The following H2BC5 variants were observed in gnomAD, a reference collection of about 807,000 sequenced individuals.
H2BC5 encodes H2B clustered histone 5.
H2BC5 carries 9 observed loss-of-function variants against 5.7 expected under a neutral mutation model. The ratio of observed to expected loss-of-function variants is 1.57; its 90% CI spans 0.95 to 2.74. H2BC5 has a LOEUF of 2.74. H2BC5 is among the 30% of genes most tolerant of loss of function. The pLI is 0.00. For synonymous variants in H2BC5, 133 were observed against 70.9 expected (o/e 1.88, Z -4.40); for missense variants, 175 against 168.8 (o/e 1.04, Z -0.20).
intron 1 of H2BC5, among the ~76,000 whole-genome samples, chr6:26,167,434 T>TC (rs1406114468): frequency 1.3e-5 from 2 of 152,048 alleles, no homozygotes; most frequent in Non-Finnish European, 2.9e-5. Flanking sequence ...CCATCAGCCC[T>TC]CCCCCAGCCT....
At chr6:26,168,473 T>A (rs531266024) in intron 1 of H2BC5, among the ~76,000 whole-genome samples, 18 of 151,304 alleles carry the variant, frequency 1.2e-4, no homozygotes, top group East Asian at 3.9e-4. Flanking sequence ...AAAAAAAAAA[T>A]AAATAAATTA....
At chr6:26,164,280 T>C in intron 1 of H2BC5, 1 of 267,352 alleles carries the variant, frequency 3.7e-6, no homozygotes, top group East Asian at 1.1e-4. Flanking sequence ...GGCCAGCCCA[T>C]CCTGGAAGAT....
downstream of H2BC5, among the ~76,000 whole-genome samples, chr6:26,161,599 C>T (rs1021969758): frequency 1.3e-5 from 2 of 151,942 alleles, no homozygotes; most frequent in Non-Finnish European, 2.9e-5. Context: ...GGCAAACCCC[C>T]GACTCTACTG....
chr6:26,161,600 G>A (rs147115564), downstream of H2BC5, among the ~76,000 whole-genome samples: 179 of 151,790 alleles, frequency 1.2e-3, no homozygotes, highest in African/African-American at 3.8e-3. Flanking sequence ...GCAAACCCCC[G>A]ACTCTACTGA....
At chr6:26,169,725 CT>C (rs2113839301) in intron 1 of H2BC5, among the ~76,000 whole-genome samples, 1 of 152,046 alleles carries the variant, frequency 6.6e-6, no homozygotes, top group Non-Finnish European at 1.5e-5. Context: ...ATTTGGAAGG[CT>C]GAGGCAGGCA....
At chr6:26,165,396 T>C (rs1027506913) in intron 1 of H2BC5, among the ~76,000 whole-genome samples, 3 of 152,110 alleles carry the variant, frequency 2.0e-5, no homozygotes, top group African/African-American at 7.2e-5. Context: ...ATCCTTGCTA[T>C]TGCATCGTTT....
At chr6:26,159,330 T>C (rs1195148526), downstream of H2BC5, among the ~76,000 whole-genome samples, 1 of 138,376 alleles carries the variant, frequency 7.2e-6, no homozygotes, top group African/African-American at 2.7e-5. Context: ...AGTCAATCAT[T>C]AAGGTGCCTG....
downstream of H2BC5, among the ~76,000 whole-genome samples, chr6:26,159,257 T>TG (rs1561968531): frequency 7.1e-6 from 1 of 141,826 alleles, no homozygotes; most frequent in Non-Finnish European, 1.5e-5. Flanking sequence ...TTTTTTTTTT[T>TG]TTTTTTTTTT....
intron 1 of H2BC5, among the ~76,000 whole-genome samples, chr6:26,170,417 AAATATCTAT>A (rs2113839649): frequency 6.6e-6 from 1 of 152,346 alleles, no homozygotes; most frequent in South Asian, 2.1e-4. Flanking sequence ...TAAAGTGCAC[AAATATCTAT>A]AACTACAGGA....
At chr6:26,165,897 GTA>G (rs919592825) in intron 1 of H2BC5, among the ~76,000 whole-genome samples, 1 of 152,232 alleles carries the variant, frequency 6.6e-6, no homozygotes. Context: ...TGGACATAGA[GTA>G]TACCTGACTT....
downstream of H2BC5, among the ~76,000 whole-genome samples, chr6:26,162,541 T>TTTG (rs897712588): frequency 6.6e-6 from 1 of 152,098 alleles, no homozygotes; most frequent in Non-Finnish European, 1.5e-5. Flanking sequence ...TTGGTTTTTG[T>TTTG]TTGTTGTTGT....
chr6:26,159,106 T>C (rs1217561086), downstream of H2BC5, among the ~76,000 whole-genome samples: 1 of 152,226 alleles, frequency 6.6e-6, no homozygotes, highest in Admixed American at 6.5e-5. Context: ...GGCCAGTTTC[T>C]GTCTGAAGCT....
At chr6:26,158,770 A>G (rs570238014), downstream of H2BC5, 11 of 699,556 alleles carry the variant, frequency 1.6e-5, no homozygotes, top group South Asian at 2.0e-4. Flanking sequence ...ATGGGTACGT[A>G]TTAGATCGTT....
downstream of H2BC5, among the ~76,000 whole-genome samples, chr6:26,159,045 G>A (rs949479563): frequency 6.6e-6 from 1 of 152,134 alleles, no homozygotes; most frequent in Non-Finnish European, 1.5e-5. Context: ...TGAAGACAAT[G>A]TGAGCTGAAC....
At chr6:26,165,141 C>G (rs891983519) in intron 1 of H2BC5, among the ~76,000 whole-genome samples, 5 of 152,204 alleles carry the variant, frequency 3.3e-5, no homozygotes, top group African/African-American at 1.2e-4. Flanking sequence ...AAAATGATGT[C>G]TATCCTCTCC....
chr6:26,158,581 C>T lies in H2BC5; in HGVS notation c.*31C>T. The T allele has an allele frequency of 3.1e-6, 5 of 1,604,824 alleles. No homozygotes were observed. The highest frequency in any genetic ancestry group is 4.3e-6 in the Non-Finnish European group (5 of 1,176,326). ...CCAAGTAAGCATCTTTACACCTAAT[C>T]CCAAAGGCTCTTTTAAGAGCCACGC... On this transcript the variant is annotated 3_prime_UTR_variant, in exon 1 of 1. Transcript: ENST00000377777.
rs565314652 is a variant in H2BC5, at chr6:26,168,472, A to T, written c.*10-2503A>T. Among the ~76,000 whole-genome samples, 20 of 152,060 alleles carry T rather than the reference A, an allele frequency of 1.3e-4. No homozygotes were observed. In the East Asian group the frequency reaches 3.1e-3, roughly 23 times the overall value. ...AAACTCCATTTTTTAAAAAAAAAAA[A>T]TAAATAAATTAGTAAAAATAAAAAT... On this transcript the variant is annotated intron_variant, in intron 1 of 1. Coordinates refer to the H2BC5 transcript ENST00000289316.
chr6:26,162,901 C>T (rs968670152), downstream of H2BC5, among the ~76,000 whole-genome samples: 4 of 152,000 alleles, frequency 2.6e-5, no homozygotes, highest in African/African-American at 7.3e-5. Context: ...GAATTTTATT[C>T]GATCACTTTG....
intron 1 of H2BC5, among the ~76,000 whole-genome samples, chr6:26,166,819 C>T (rs1385576405): frequency 6.7e-6 from 1 of 149,558 alleles, no homozygotes; most frequent in Non-Finnish European, 1.5e-5. Context: ...TCTGTCTTAG[C>T]CTCCCTGAGT....
Sources: allele counts gnomAD v4.1 joint callset (sites outside exome capture counted in the v4.1 genomes callset), GRCh38; gene constraint gnomAD v4.1.1; transcripts MANE v1.5; gene names NCBI Gene and HGNC (gene_info 2026-07-23, HGNC 2026-07-21).